CEMIP2: variants seen among roughly 807,000 people sequenced by gnomAD.
CEMIP2 encodes the protein cell migration inducing hyaluronidase 2.
A neutral mutation model predicts 146.9 loss-of-function variants in CEMIP2; 79 were observed. The observed-to-expected ratio is 0.54, with a 90% CI of 0.45 to 0.65. The LOEUF (loss-of-function observed/expected upper bound fraction) is 0.65, where lower values mean the gene tolerates loss of function less well. Among genes scored for constraint, CEMIP2 ranks in the 30% least tolerant of loss-of-function variants. The probability of loss-of-function intolerance (pLI) is 0.00; values close to 1 mark genes in which losing one functional copy is unlikely to be tolerated. For missense variants in CEMIP2, 1,596 were observed against 1,696.2 expected (o/e 0.94, Z 1.04); for synonymous variants, 601 against 606.3 (o/e 0.99, Z 0.13).
intron 15 of CEMIP2, among the ~76,000 whole-genome samples, chr9:71,714,631 A>G (rs1276426061): frequency 6.6e-6 from 1 of 152,182 alleles, no homozygotes; most frequent in African/African-American, 2.4e-5. Context: ...GAAAAAAAAC[A>G]GTTTATATAA....
chr9:71,715,237 C>CTTTTT (rs34322815), intron 14 of CEMIP2, 148 bp from the exon 15 acceptor site: 4 of 232,760 alleles, frequency 1.7e-5, no homozygotes, highest in Admixed American at 8.3e-5. Flanking sequence ...TCAGAAACTG[C>CTTTTT]TTTTTTTTTT....
At chr9:71,756,914 T>C (rs918055340) in intron 1 of CEMIP2, among the ~76,000 whole-genome samples, 2 of 152,240 alleles carry the variant, frequency 1.3e-5, no homozygotes, top group African/African-American at 4.8e-5. Flanking sequence ...TATTTTGTTA[T>C]GTTGACAGCC....
chr9:71,727,814 A>G (rs555857629), intron 10 of CEMIP2, among the ~76,000 whole-genome samples: 4 of 152,290 alleles, frequency 2.6e-5, no homozygotes, highest in African/African-American at 9.6e-5. Flanking sequence ...TAATCCCAGC[A>G]CTTTGGGAGG....
intron 11 of CEMIP2, among the ~76,000 whole-genome samples, chr9:71,723,564 A>G (rs955498707): frequency 3.9e-5 from 6 of 152,224 alleles, no homozygotes; most frequent in African/African-American, 7.2e-5. Context: ...TTTTTGGTTC[A>G]GGCCACAGCT....
chr9:71,703,598 A>C (rs751338191), intron 18 of CEMIP2, among the ~76,000 whole-genome samples: 2 of 152,176 alleles, frequency 1.3e-5, no homozygotes, highest in African/African-American at 4.8e-5. Context: ...TTTCAGGTAC[A>C]TATCTCAGCA....
chr9:71,705,831 G>C (rs1251630426), intron 17 of CEMIP2, among the ~76,000 whole-genome samples: 2 of 150,860 alleles, frequency 1.3e-5, no homozygotes, highest in South Asian at 4.2e-4. Context: ...ATATATATAG[G>C]AGGCTGTACA....
chr9:71,723,548 C>CAT (rs1823302972), intron 11 of CEMIP2, among the ~76,000 whole-genome samples: 1 of 152,078 alleles, frequency 6.6e-6, no homozygotes. Flanking sequence ...AATAAAAGCT[C>CAT]ATATATTTTT....
At chr9:71,743,348 A>C (rs1413182945) in intron 4 of CEMIP2, among the ~76,000 whole-genome samples, 1 of 152,196 alleles carries the variant, frequency 6.6e-6, no homozygotes, top group African/African-American at 2.4e-5. Flanking sequence ...TGGTGGCTAC[A>C]CAGGCATCAC....
intron 19 of CEMIP2, 129 bp downstream of exon 19, chr9:71,700,513 A>G: frequency 1.2e-6 from 1 of 868,196 alleles, no homozygotes; most frequent in African/African-American, 2.1e-5. Flanking sequence ...TAAACCTCTA[A>G]TAGAGAAGAT....
At chr9:71,717,866 C>A in intron 13 of CEMIP2, 82 bp downstream of exon 13, 1 of 1,318,546 alleles carries the variant, frequency 7.6e-7, no homozygotes, top group Admixed American at 2.2e-5. Flanking sequence ...CATCACTGTG[C>A]TTTCATGCTA....
intron 17 of CEMIP2, 48 bp from the exon 18 acceptor site, chr9:71,704,851 CA>C (rs1377955229): frequency 6.4e-7 from 1 of 1,573,472 alleles, no homozygotes. Context: ...AAAATTTAAA[CA>C]GCTAAAAAGA....
Position 71,728,273 on chromosome 9 carries a change from A to ACGTG in CEMIP2, c.2049+1571_2049+1572insCACG, listed in dbSNP as rs1467528219. On this transcript the variant is annotated intron_variant, in intron 10 of 23. Coordinates refer to ENST00000377044, the MANE Select transcript of CEMIP2 (RefSeq NM_013390.3). ...TATGTATATACACGTATATATATAT[A>ACGTG]TATATATGTATATATATATATATAT... 7.3e-4 allele frequency among the ~76,000 whole-genome samples: 7 copies of ACGTG among 9,620 alleles called. 2 individuals are homozygous for ACGTG. Among genetic ancestry groups the ACGTG allele is most frequent in the African/African-American group, 1.4e-3 (7 of 5,130 alleles). 6.3% of individuals were successfully genotyped at this position (9,620 alleles called of 152,430 possible).
At chr9:71,688,600 C>T (rs998653628) in intron 22 of CEMIP2, among the ~76,000 whole-genome samples, 1 of 151,934 alleles carries the variant, frequency 6.6e-6, no homozygotes, top group Non-Finnish European at 1.5e-5. Context: ...GTTGGCCAGG[C>T]TGGTCTCGAA....
At chr9:71,694,639 A>C in intron 20 of CEMIP2, 32 bp from the exon 21 acceptor site, 2 of 1,411,952 alleles carry the variant, frequency 1.4e-6, no homozygotes, top group Non-Finnish European at 2.0e-6. Flanking sequence ...TATTTATGGC[A>C]ACTCTTACCT....
At chr9:71,712,319 C>T in intron 15 of CEMIP2, 59 bp from the exon 16 acceptor site, 1 of 1,529,562 alleles carries the variant, frequency 6.5e-7, no homozygotes. Context: ...CAGCACTTCA[C>T]TTACTTGTTT....
At chr9:71,735,635 T>C (rs938485534) in intron 5 of CEMIP2, among the ~76,000 whole-genome samples, 5 of 151,828 alleles carry the variant, frequency 3.3e-5, no homozygotes, top group Non-Finnish European at 7.4e-5. Context: ...AAAAAAACAT[T>C]GGCCAGGTAT....
At chr9:71,728,245 A>ATATACACG (rs1823464567) in intron 10 of CEMIP2, among the ~76,000 whole-genome samples, 5 of 40,342 alleles carry the variant, frequency 1.2e-4, no homozygotes, top group Non-Finnish European at 1.8e-4. Flanking sequence ...ATATATATAT[A>ATATACACG]TATATGTATA....
chr9:71,729,993 TC>T (rs1222650983), intron 9 of CEMIP2, 54 bp downstream of exon 9: 1 of 1,612,832 alleles, frequency 6.2e-7, no homozygotes, highest in South Asian at 1.1e-5. Context: ...CAAAACCTCT[TC>T]CCCAAAAGTC....
chr9:71,705,048 C>T (rs1300605699), intron 17 of CEMIP2: 7 of 469,996 alleles, frequency 1.5e-5, no homozygotes, highest in Non-Finnish European at 2.3e-5. Context: ...TCCACCACTA[C>T]AGGCCAGCTT....
Sources: gnomAD v4.1 joint callset for allele counts (sites outside exome capture counted in the v4.1 genomes callset) on GRCh38, gnomAD v4.1.1 for gene constraint, MANE v1.5 for transcripts, NCBI Gene and HGNC (gene_info 2026-07-23, HGNC 2026-07-21) for gene names.